Variants in ANKS1B observed in about 807,000 individuals in gnomAD.
ANKS1B encodes ankyrin repeat and sterile alpha motif domain containing 1B.
A neutral mutation model predicts 148.3 loss-of-function variants in ANKS1B; 36 were observed. The observed-to-expected ratio is 0.24, with a 90% CI of 0.19 to 0.32. The LOEUF is 0.32. Ranked by LOEUF, ANKS1B falls within the 10% of genes least tolerant of loss-of-function variation. The pLI, the probability that ANKS1B is intolerant of heterozygous loss-of-function variation, is 1.00. For synonymous variants in ANKS1B, 542 were observed against 560.8 expected, an observed-to-expected ratio of 0.97 and a Z score of 0.47; for missense variants, 1,157 against 1,542.6, an observed-to-expected ratio of 0.75 and a Z score of 4.19.
intron 15 of ANKS1B, among the ~76,000 whole-genome samples, chr12:99,149,686 A>G (rs902599480): frequency 3.3e-5 from 5 of 152,128 alleles, no homozygotes; most frequent in Admixed American, 1.3e-4. Flanking sequence ...TCCTCCTCCA[A>G]GTAATATAAA....
chr12:99,757,218 G>A (rs1038873649), intron 8 of ANKS1B, among the ~76,000 whole-genome samples: 6 of 151,298 alleles, frequency 4.0e-5, no homozygotes, highest in African/African-American at 1.5e-4. Context: ...AGGTCTAATA[G>A]CCAGCATCTT....
rs1475671980 is a variant in ANKS1B, at chr12:99,086,469, G to T, written c.2527-1446C>A. Among the ~76,000 whole-genome samples the T allele has an allele frequency of 2.0e-5, 3 of 152,138 alleles. No homozygotes were observed. The East Asian group carries it at 5.8e-4, about 29-fold the overall frequency. On this transcript the variant is annotated intron_variant, in intron 15 of 26. Coordinates refer to ENST00000683438, the MANE Select transcript of ANKS1B (RefSeq NM_001352186.2). ...TGCTGAGGGCTTCAGACTTTATCCT[G>T]ACCATAATGGGTAGCCATGGACAGC... is the stretch of plus-strand genomic sequence containing the variant.
intron 12 of ANKS1B, among the ~76,000 whole-genome samples, chr12:99,393,096 T>TGATAGACAGATAGATA (rs2094131444): frequency 6.6e-6 from 1 of 150,558 alleles, no homozygotes; most frequent in Non-Finnish European, 1.5e-5. Flanking sequence ...GATAGACAGA[T>TGATAGACAGATAGATA]GATAGATAGA....
chr12:99,853,996 T>A (rs1231666108), intron 1 of ANKS1B, among the ~76,000 whole-genome samples: 2 of 152,010 alleles, frequency 1.3e-5, no homozygotes, highest in Admixed American at 6.5e-5. Context: ...AAAGACAAGT[T>A]TTTTGTTTGT....
chr12:99,219,153 G>A (rs1433715557), intron 14 of ANKS1B, among the ~76,000 whole-genome samples: 1 of 152,084 alleles, frequency 6.6e-6, no homozygotes, highest in South Asian at 2.1e-4. Flanking sequence ...TTAATGTTCC[G>A]CCCAGCTTGA....
At chr12:99,447,489 G>C (rs773439351) in intron 10 of ANKS1B, among the ~76,000 whole-genome samples, 8 of 151,968 alleles carry the variant, frequency 5.3e-5, no homozygotes, top group Non-Finnish European at 1.2e-4. Flanking sequence ...GTGTAAAATT[G>C]AAGTGGTAAA....
At chr12:99,219,454 A>G (rs1048035289) in intron 14 of ANKS1B, among the ~76,000 whole-genome samples, 9 of 152,228 alleles carry the variant, frequency 5.9e-5, no homozygotes, top group African/African-American at 2.2e-4. Context: ...ATTTTCCTTC[A>G]AAGTAAGGAA....
chr12:99,233,389 G>A (rs559662880), intron 14 of ANKS1B, among the ~76,000 whole-genome samples: 1 of 152,110 alleles, frequency 6.6e-6, no homozygotes, highest in Admixed American at 6.5e-5. Flanking sequence ...TTGAGACCAG[G>A]TCCATCTAAC....
At chr12:99,403,504 G>T in intron 11 of ANKS1B, among the ~76,000 whole-genome samples, 1 of 144,004 alleles carries the variant, frequency 6.9e-6, no homozygotes, top group African/African-American at 2.7e-5. Context: ...TCTTGTAAAT[G>T]TAAGTTAATT....
At chr12:99,103,183 A>G (rs2058389516) in intron 15 of ANKS1B, among the ~76,000 whole-genome samples, 3 of 152,024 alleles carry the variant, frequency 2.0e-5, no homozygotes, top group Admixed American at 2.0e-4. Context: ...CACTGCTGAT[A>G]CTTCTGCTAT....
At chr12:99,003,472 AG>A (rs2099934207) in intron 17 of ANKS1B, among the ~76,000 whole-genome samples, 1 of 152,186 alleles carries the variant, frequency 6.6e-6, no homozygotes, top group South Asian at 2.1e-4. Flanking sequence ...ACCAGGATGA[AG>A]GGCTTCTATA....
At position 98,744,176 on chromosome 12, in the gene ANKS1B, C is replaced by T. The variant is rs1238367927; in HGVS notation, c.*1563G>A. 1.0e-5 allele frequency: 10 copies of T among 984,808 alleles called. No individual in the cohort carries two copies. In the African/African-American group the frequency reaches 1.4e-4, roughly 14 times the overall value. 61.0% of individuals were successfully genotyped at this position (984,808 alleles called of 1,614,324 possible). ...TATTTAACTCTCATTTTGCTACATACATATCAACAGTGAATAGGCAAAATA... is the reference window on the plus strand; with the variant it reads ...TATTTAACTCTCATTTTGCTACATATATATCAACAGTGAATAGGCAAAATA... On this transcript the variant is annotated 3_prime_UTR_variant, in exon 27 of 27. Coordinates refer to ENST00000683438, the MANE Select transcript of ANKS1B (RefSeq NM_001352186.2).
chr12:99,764,849 T>C lies in ANKS1B; in HGVS notation c.1128+8073A>G, dbSNP rs542181635. ...GAGTTAAACGTTTCTATTTAACATTTGCAGTGAGGACCAGGGCTAGTTTTG... is the reference window on the plus strand; with the variant it reads ...GAGTTAAACGTTTCTATTTAACATTCGCAGTGAGGACCAGGGCTAGTTTTG... On this transcript the variant is annotated intron_variant, in intron 8 of 26. Transcript: ENST00000683438. Among the ~76,000 whole-genome samples, 33 of 152,358 alleles carry C rather than the reference T, an allele frequency of 2.2e-4. No homozygotes were observed. In the South Asian group the frequency reaches 6.8e-3, roughly 32 times the overall value.
intron 1 of ANKS1B, among the ~76,000 whole-genome samples, chr12:99,966,844 A>G (rs556724848): frequency 2.0e-5 from 3 of 152,290 alleles, no homozygotes; most frequent in Non-Finnish European, 2.9e-5. Flanking sequence ...GTGGAACACA[A>G]TTTTTTTCTG....
At chr12:99,395,827 T>G (rs1314823366) in intron 12 of ANKS1B, among the ~76,000 whole-genome samples, 1 of 152,202 alleles carries the variant, frequency 6.6e-6, no homozygotes, top group Non-Finnish European at 1.5e-5. Context: ...GATTTATTTT[T>G]GAAGATGTAT....
intron 1 of ANKS1B, among the ~76,000 whole-genome samples, chr12:99,913,057 C>T (rs556430790): frequency 6.6e-6 from 1 of 152,274 alleles, no homozygotes; most frequent in East Asian, 1.9e-4. Flanking sequence ...TCACGAGCTA[C>T]ATATTTTATC....
rs775642621 is a variant in ANKS1B, at chr12:99,655,223, T to G, written c.1129-13A>C. On this transcript the variant is annotated splice_polypyrimidine_tract_variant and intron_variant, in intron 8 of 26. Transcript: ENST00000683438. ...TAGATGAGGTTCTCTGAAATTAAAT[T>G]TATATCATACCAATATATTATATCA... 12 of 1,574,454 alleles carry G rather than the reference T, an allele frequency of 7.6e-6. No individual in the cohort carries two copies. The highest frequency in any genetic ancestry group is 1.0e-5 in the Non-Finnish European group (12 of 1,154,252).
intron 1 of ANKS1B, among the ~76,000 whole-genome samples, chr12:99,891,757 T>A (rs1294508262): frequency 6.6e-6 from 1 of 152,104 alleles, no homozygotes; most frequent in Non-Finnish European, 1.5e-5. Flanking sequence ...TTTATTAGGG[T>A]TGTTTTGGGT....
intron 1 of ANKS1B, among the ~76,000 whole-genome samples, chr12:99,883,337 A>AC (rs2153740433): frequency 6.9e-6 from 1 of 144,152 alleles, no homozygotes; most frequent in East Asian, 1.9e-4. Flanking sequence ...TTCGAAGCAA[A>AC]AAAACAAACA....
Sources: allele counts gnomAD v4.1 joint callset (sites outside exome capture counted in the v4.1 genomes callset), GRCh38; gene constraint gnomAD v4.1.1; transcripts MANE v1.5; gene names NCBI Gene and HGNC (gene_info 2026-07-23, HGNC 2026-07-21).